OXR1: variants seen among roughly 807,000 people sequenced by gnomAD.
OXR1 encodes oxidation resistance 1.
Under a neutral mutation model 104.6 loss-of-function variants are expected in OXR1, and 41 were observed. The ratio of observed to expected loss-of-function variants is 0.39; its 90% CI spans 0.31 to 0.51. The LOEUF (loss-of-function observed/expected upper bound fraction) is 0.51, where lower values mean the gene tolerates loss of function less well. Ranked by LOEUF, OXR1 falls within the 20% of genes least tolerant of loss-of-function variation. OXR1 has a pLI of 0.77. For synonymous variants in OXR1, 348 were observed against 348.4 expected (o/e 1.00, Z 0.01); for missense variants, 955 against 1,031.9 (o/e 0.93, Z 1.02).
chr8:106,618,261 C>A, intron 3 of OXR1: 1 of 1,127,454 alleles, frequency 8.9e-7, no homozygotes, highest in Non-Finnish European at 1.3e-6. Flanking sequence ...AAAGGGCACA[C>A]TTTATGTTGC....
intron 2 of OXR1, among the ~76,000 whole-genome samples, chr8:106,514,693 C>T (rs542206969): frequency 6.6e-6 from 1 of 152,158 alleles, no homozygotes; most frequent in South Asian, 2.1e-4. Flanking sequence ...ATATCTATCC[C>T]TTTATCAAAT....
At chr8:106,707,264 T>C in intron 9 of OXR1, 119 bp downstream of exon 9, 1 of 810,246 alleles carries the variant, frequency 1.2e-6, no homozygotes, top group Middle Eastern at 2.2e-4. Flanking sequence ...GAGTGACCCT[T>C]GACCGGTGAT....
At chr8:106,705,261 C>T (rs1236642973) in intron 8 of OXR1, among the ~76,000 whole-genome samples, 2 of 152,094 alleles carry the variant, frequency 1.3e-5, no homozygotes, top group African/African-American at 4.8e-5. Context: ...GTAGATGACA[C>T]TATTGTATAT....
At chr8:106,731,084 C>G (rs1490266108) in intron 11 of OXR1, among the ~76,000 whole-genome samples, 2 of 152,108 alleles carry the variant, frequency 1.3e-5, no homozygotes, top group African/African-American at 4.8e-5. Flanking sequence ...GTAGTGATAT[C>G]TCAATCATTT....
In OXR1 at chr8:106,563,871, C is replaced by A. The variant is rs554554238; in HGVS notation, c.220+44732C>A. On this transcript the variant is annotated intron_variant, in intron 3 of 16. Coordinates refer to ENST00000517566, the MANE Select transcript of OXR1 (RefSeq NM_001198533.2). ...ACACAACTACATGGAAACTGAGCAG[C>A]CTACTCCTGAATGACTACTGGGTAA... 2.0e-5 allele frequency among the ~76,000 whole-genome samples: 3 copies of A among 152,246 alleles called. No individual in the cohort carries two copies. In the South Asian group the frequency reaches 6.2e-4, roughly 32 times the overall value.
chr8:106,730,525 A>C (rs927100117), intron 11 of OXR1, among the ~76,000 whole-genome samples: 2 of 152,112 alleles, frequency 1.3e-5, no homozygotes, highest in African/African-American at 4.8e-5. Flanking sequence ...AGCAATTTTT[A>C]TTTAAGACTC....
intron 1 of OXR1, among the ~76,000 whole-genome samples, chr8:106,286,028 C>T (rs969453056): frequency 6.7e-6 from 1 of 150,314 alleles, no homozygotes. Flanking sequence ...AGCCAAATAA[C>T]TCTCACCTCT....
chr8:106,344,441 G>A (rs992890111), intron 1 of OXR1, among the ~76,000 whole-genome samples: 3 of 152,128 alleles, frequency 2.0e-5, no homozygotes, highest in East Asian at 3.9e-4. Context: ...ATGTTCAAGC[G>A]ATTCTCCTGT....
chr8:106,645,758 G>C (rs1189926643), intron 3 of OXR1, among the ~76,000 whole-genome samples: 1 of 152,098 alleles, frequency 6.6e-6, no homozygotes, highest in African/African-American at 2.4e-5. Flanking sequence ...CATCTACTTT[G>C]GGAAGAGGAA....
intron 3 of OXR1, among the ~76,000 whole-genome samples, chr8:106,563,813 T>A (rs906216121): frequency 2.0e-5 from 3 of 152,076 alleles, no homozygotes; most frequent in African/African-American, 7.2e-5. Flanking sequence ...TGCAATCAAA[T>A]TAGAACTCAG....
At chr8:106,619,843 T>G (rs1227127163) in intron 3 of OXR1, among the ~76,000 whole-genome samples, 1 of 152,154 alleles carries the variant, frequency 6.6e-6, no homozygotes, top group Non-Finnish European at 1.5e-5. Flanking sequence ...TGAATTTCAA[T>G]GAAACTCCTG....
chr8:106,742,772 C>T (rs1461921483), intron 15 of OXR1, among the ~76,000 whole-genome samples: 1 of 152,120 alleles, frequency 6.6e-6, no homozygotes, highest in African/African-American at 2.4e-5. Flanking sequence ...TGAACCCCTT[C>T]CGTAAACCAT....
chr8:106,447,991 A>C (rs1294534318), intron 2 of OXR1: 1 of 1,531,934 alleles, frequency 6.5e-7, no homozygotes, highest in African/African-American at 1.4e-5. Flanking sequence ...GCTCCCACAC[A>C]GCTATAAGGT....
At chr8:106,537,782 A>C (rs1814655079) in intron 3 of OXR1, among the ~76,000 whole-genome samples, 1 of 152,158 alleles carries the variant, frequency 6.6e-6, no homozygotes. Context: ...GACTTGACGT[A>C]GATAGGTTCA....
intron 3 of OXR1, chr8:106,581,300 G>A (rs2130627814): frequency 8.2e-7 from 1 of 1,214,780 alleles, no homozygotes; most frequent in South Asian, 1.3e-5. Context: ...TTTTTCATTT[G>A]CCTAAAAAAT....
At chr8:106,742,014 G>A (rs1171126938) in intron 14 of OXR1, among the ~76,000 whole-genome samples, 1 of 152,030 alleles carries the variant, frequency 6.6e-6, no homozygotes, top group African/African-American at 2.4e-5. Flanking sequence ...GAAAAAATCT[G>A]TATTTCCATT....
intron 11 of OXR1, among the ~76,000 whole-genome samples, chr8:106,732,027 A>C (rs1172347671): frequency 2.0e-5 from 3 of 152,160 alleles, no homozygotes; most frequent in Non-Finnish European, 4.4e-5. Flanking sequence ...CTTCCTATCT[A>C]TGAATGTGGG....
At chr8:106,323,206 G>A (rs1814300485) in intron 1 of OXR1, among the ~76,000 whole-genome samples, 1 of 152,148 alleles carries the variant, frequency 6.6e-6, no homozygotes, top group South Asian at 2.1e-4. Flanking sequence ...CAGTGGAACA[G>A]AGTAGAGAGC....
intron 3 of OXR1, among the ~76,000 whole-genome samples, chr8:106,593,355 A>G (rs1180341254): frequency 6.6e-6 from 1 of 152,226 alleles, no homozygotes; most frequent in African/African-American, 2.4e-5. Context: ...TCTAATTTGT[A>G]TAGAGATATC....
Sources: allele counts gnomAD v4.1 joint callset (sites outside exome capture counted in the v4.1 genomes callset), GRCh38; gene constraint gnomAD v4.1.1; transcripts MANE v1.5; gene names NCBI Gene and HGNC (gene_info 2026-07-23, HGNC 2026-07-21).